The following FANCL variants were observed in gnomAD, a reference collection of about 807,000 sequenced individuals.
FANCL encodes the protein E3 ubiquitin-protein ligase FANCL.
FANCL carries 69 observed loss-of-function variants against 59.4 expected under a neutral mutation model. The ratio of observed to expected loss-of-function variants is 1.16; its 90% confidence interval spans 0.96 to 1.42. FANCL has a LOEUF of 1.42. FANCL is among the 40% of genes most tolerant of loss of function. The pLI is 0.00. For missense variants in FANCL, 519 were observed against 447.2 expected, an observed-to-expected ratio of 1.16 and a Z score of -1.45; for synonymous variants, 180 against 147.1, an observed-to-expected ratio of 1.22 and a Z score of -1.62.
At chr2:58,171,126 G>C (rs1446208633) in intron 7 of FANCL, among the ~76,000 whole-genome samples, 1 of 152,078 alleles carries the variant, frequency 6.6e-6, no homozygotes. Flanking sequence ...AAAATTTGAA[G>C]TAAAACACTC....
chr2:58,160,818 C>T lies in FANCL; in HGVS notation c.1021-639G>A, dbSNP rs996938059. On this transcript the variant is annotated intron_variant, in intron 12 of 13. Coordinates refer to ENST00000233741, the MANE Select transcript of FANCL (RefSeq NM_018062.4). ...AAGTTCTCCATTGGCAAAGTACAGA[C>T]GGCACCAACTGCTACCTCTAATCAC... 3.3e-5 allele frequency among the ~76,000 whole-genome samples: 5 copies of T among 151,924 alleles called. No homozygotes were observed. In the East Asian group the frequency reaches 5.8e-4, roughly 18 times the overall value.
intron 9 of FANCL, 71 bp from the exon 10 acceptor site, chr2:58,163,145 A>C: frequency 7.6e-7 from 1 of 1,323,720 alleles, no homozygotes; most frequent in Non-Finnish European, 1.1e-6. Context: ...CATTTGATAC[A>C]GAATGTTTCT....
chr2:58,200,758 C>A (rs1178110283), intron 6 of FANCL, among the ~76,000 whole-genome samples: 1 of 151,610 alleles, frequency 6.6e-6, no homozygotes, highest in East Asian at 1.9e-4. Context: ...AACAAAAAAG[C>A]AAGTTAGAGT....
chr2:58,190,087 G>T (rs933581079), intron 7 of FANCL, among the ~76,000 whole-genome samples: 1 of 151,996 alleles, frequency 6.6e-6, no homozygotes, highest in African/African-American at 2.4e-5. Flanking sequence ...TTCATTTGAA[G>T]TTACTTACAG....
At chr2:58,227,682 C>T (rs1693158748) in intron 3 of FANCL, among the ~76,000 whole-genome samples, 2 of 152,122 alleles carry the variant, frequency 1.3e-5, no homozygotes, top group Non-Finnish European at 2.9e-5. Context: ...TGTGTGCCTG[C>T]TAGGGTCTCG....
At chr2:58,190,468 G>GAA (rs34333134) in intron 7 of FANCL, among the ~76,000 whole-genome samples, 10 of 87,866 alleles carry the variant, frequency 1.1e-4, no homozygotes, top group African/African-American at 1.4e-4. Context: ...TATTCAAAAA[G>GAA]AAAAAAAAAA....
chr2:58,171,890 G>A (rs913577246), intron 7 of FANCL, among the ~76,000 whole-genome samples: 2 of 152,166 alleles, frequency 1.3e-5, no homozygotes, highest in African/African-American at 4.8e-5. Context: ...GGAAAATCGG[G>A]TCACTCCCAC....
chr2:58,165,266 TTC>T (rs1379218282), intron 8 of FANCL, among the ~76,000 whole-genome samples: 1 of 152,120 alleles, frequency 6.6e-6, no homozygotes, highest in Non-Finnish European at 1.5e-5. Context: ...TCTCTGTGCT[TTC>T]TGTTTACTCT....
At chr2:58,168,974 A>G (rs1218029241) in intron 7 of FANCL, among the ~76,000 whole-genome samples, 1 of 152,036 alleles carries the variant, frequency 6.6e-6, no homozygotes, top group African/African-American at 2.4e-5. Context: ...TAAAACTCCC[A>G]TCTCCCTGGG....
intron 6 of FANCL, among the ~76,000 whole-genome samples, chr2:58,200,880 C>T (rs1026537470): frequency 1.3e-5 from 2 of 150,864 alleles, no homozygotes; most frequent in African/African-American, 4.9e-5. Context: ...ATAAATTAGA[C>T]TGATCTTTAT....
intron 7 of FANCL, among the ~76,000 whole-genome samples, chr2:58,193,077 T>G (rs1020059736): frequency 6.6e-6 from 1 of 152,006 alleles, no homozygotes; most frequent in Non-Finnish European, 1.5e-5. Flanking sequence ...TAAGAAATCA[T>G]TGCTACTTTA....
chr2:58,200,020 T>C (rs1169786160), intron 6 of FANCL, among the ~76,000 whole-genome samples: 13 of 151,344 alleles, frequency 8.6e-5, no homozygotes, highest in Non-Finnish European at 4.4e-5. Flanking sequence ...CTCTGACTAA[T>C]GGAATCTGGC....
chr2:58,190,103 A>C (rs1688780116), intron 7 of FANCL, among the ~76,000 whole-genome samples: 1 of 152,078 alleles, frequency 6.6e-6, no homozygotes, highest in African/African-American at 2.4e-5. Context: ...TACAGGCTTC[A>C]TTGATGTTTT....
intron 2 of FANCL, among the ~76,000 whole-genome samples, chr2:58,230,986 T>C (rs1304197923): frequency 6.6e-6 from 1 of 152,204 alleles, no homozygotes; most frequent in Non-Finnish European, 1.5e-5. Flanking sequence ...ACAAATGGCT[T>C]CTGCCACCAC....
chr2:58,204,627 CTTTG>C (rs1033509894), intron 5 of FANCL, among the ~76,000 whole-genome samples: 15 of 151,970 alleles, frequency 9.9e-5, no homozygotes, highest in African/African-American at 3.6e-4. Context: ...TTAATGCTCC[CTTTG>C]TTTTTCTCCT....
At chr2:58,169,671 A>T (rs1686341084) in intron 7 of FANCL, among the ~76,000 whole-genome samples, 2 of 152,002 alleles carry the variant, frequency 1.3e-5, no homozygotes, top group Admixed American at 1.3e-4. Flanking sequence ...AGTTAGAGGA[A>T]TTGCTAACTA....
intron 7 of FANCL, among the ~76,000 whole-genome samples, chr2:58,167,166 C>T (rs1021654046): frequency 6.6e-6 from 1 of 152,096 alleles, no homozygotes; most frequent in Non-Finnish European, 1.5e-5. Flanking sequence ...GGGCCGAGAT[C>T]GCGCCACTGC....
intron 7 of FANCL, among the ~76,000 whole-genome samples, chr2:58,197,591 G>A (rs1337373011): frequency 6.6e-6 from 1 of 152,084 alleles, no homozygotes; most frequent in African/African-American, 2.4e-5. Flanking sequence ...TTATATCTAT[G>A]TTATAGTTTA....
chr2:58,162,751 G>A, intron 11 of FANCL, 115 bp downstream of exon 11: 1 of 903,454 alleles, frequency 1.1e-6, no homozygotes, highest in Non-Finnish European at 1.8e-6. Flanking sequence ...TCAGAAGTCT[G>A]TGTTATAATA....
Sources: gnomAD v4.1 joint callset for allele counts (sites outside exome capture counted in the v4.1 genomes callset) on GRCh38, gnomAD v4.1.1 for gene constraint, MANE v1.5 for transcripts, NCBI Gene and HGNC (gene_info 2026-07-23, HGNC 2026-07-21) for gene names.